The following MYLK4 variants were observed in gnomAD, a reference collection of about 807,000 sequenced individuals.
The protein encoded by MYLK4 is caMLCK like.
A neutral mutation model predicts 48.1 loss-of-function variants in MYLK4; 46 were observed. The ratio of observed to expected loss-of-function variants is 0.96; its 90% CI spans 0.75 to 1.22. MYLK4 has a LOEUF of 1.22. MYLK4 is among the 50% of genes most tolerant of loss of function. The probability of loss-of-function intolerance (pLI) is 0.00; values close to 1 mark genes in which losing one functional copy is unlikely to be tolerated. For synonymous variants in MYLK4, 170 were observed against 180.8 expected, an observed-to-expected ratio of 0.94 and a Z score of 0.48; for missense variants, 451 against 486.1, an observed-to-expected ratio of 0.93 and a Z score of 0.68.
chr6:2,762,934 AAG>A, the MYLK4 span, among the ~76,000 whole-genome samples: 2 of 152,220 alleles, frequency 1.3e-5, no homozygotes, highest in Admixed American at 6.5e-5. Flanking sequence ...ACCACTCATT[AAG>A]ACAATTCAGA....
At chr6:2,670,150 T>G (rs957662638) in intron 12 of MYLK4, among the ~76,000 whole-genome samples, 10 of 152,064 alleles carry the variant, frequency 6.6e-5, no homozygotes, top group Admixed American at 1.3e-4. Flanking sequence ...CAGATCACCT[T>G]AGGTCAGGAG....
At chr6:2,758,249 C>T in the MYLK4 span, among the ~76,000 whole-genome samples, 4,515 of 152,030 alleles carry the variant, frequency 0.03, 134 homozygotes, top group African/African-American at 0.081. Context: ...AACAGTGTAA[C>T]ATCACTTACT....
the MYLK4 span, among the ~76,000 whole-genome samples, chr6:2,756,559 G>A: frequency 6.6e-6 from 1 of 151,992 alleles, no homozygotes; most frequent in Non-Finnish European, 1.5e-5. Context: ...GACAGAGAGA[G>A]GAAATATAAT....
At chr6:2,700,019 C>T (rs1038865458) in intron 2 of MYLK4, among the ~76,000 whole-genome samples, 8 of 152,180 alleles carry the variant, frequency 5.3e-5, no homozygotes, top group African/African-American at 1.7e-4. Flanking sequence ...GTGAGTAGTT[C>T]GATAACACAG....
In MYLK4 at chr6:2,704,989, A is replaced by G. The variant is rs185766938; in HGVS notation, c.160-12130T>C. 1.9e-3 allele frequency among the ~76,000 whole-genome samples: 288 copies of G among 152,324 alleles called. 1 individual carries two copies. The highest frequency in any genetic ancestry group is 6.6e-3 in the African/African-American group (273 of 41,572). On this transcript the variant is annotated intron_variant, in intron 2 of 12. Transcript: ENST00000274643. ...CTTAGCACAGCGAAGGAGCATCCTC[A>G]GAAACTTTATATGGTTGCAAGACAC...
At chr6:2,758,032 G>C in the MYLK4 span, among the ~76,000 whole-genome samples, 4 of 152,098 alleles carry the variant, frequency 2.6e-5, no homozygotes, top group African/African-American at 9.7e-5. Flanking sequence ...TTACCTTATG[G>C]GGTTGTTGAG....
intron 6 of MYLK4, among the ~76,000 whole-genome samples, chr6:2,683,396 TG>T (rs1561836851): frequency 7.7e-6 from 1 of 129,712 alleles, no homozygotes; most frequent in Non-Finnish European, 1.6e-5. Flanking sequence ...CCTTTTTGTG[TG>T]TGTGTGTGTG....
chr6:2,738,709 C>T (rs1348545464), intron 2 of MYLK4, among the ~76,000 whole-genome samples: 3 of 152,206 alleles, frequency 2.0e-5, no homozygotes, highest in Non-Finnish European at 4.4e-5. Context: ...AAGCAACAAT[C>T]ATTAAAACAT....
rs1760549377 is a variant in MYLK4, at chr6:2,664,125, G to A, written c.*3800C>T. 1 of 152,196 alleles carries A rather than the reference G, an allele frequency of 6.6e-6. No homozygotes were observed. Among genetic ancestry groups the A allele is most frequent in the Admixed American group, 6.5e-5 (1 of 15,274 alleles). The allele number at this position is 152,196 out of a possible 1,614,324, so 9.4% of individuals were successfully genotyped here. ...AAATCCAGCACCCACTTCCCTTTAG[G>A]ACAGACGGAAAGTTGCCTCCTGGTA... is the stretch of plus-strand genomic sequence containing the variant. On this transcript the variant is annotated 3_prime_UTR_variant, in exon 13 of 13. Coordinates refer to ENST00000274643, the MANE Select transcript of MYLK4 (RefSeq NM_001012418.5).
intron 7 of MYLK4, among the ~76,000 whole-genome samples, chr6:2,682,461 G>A (rs948975988): frequency 1.3e-5 from 2 of 152,124 alleles, no homozygotes; most frequent in African/African-American, 4.8e-5. Flanking sequence ...CATTGGCAGT[G>A]GGGTGCCCAC....
At chr6:2,768,667 C>CTCCATGTATG in the MYLK4 span, 1 of 1,565,682 alleles carries the variant, frequency 6.4e-7, no homozygotes, top group South Asian at 1.2e-5. Context: ...GCTTTTCAAA[C>CTCCATGTATG]TCCATGTATG....
At chr6:2,739,222 G>C (rs1175615070) in intron 2 of MYLK4, among the ~76,000 whole-genome samples, 1 of 152,188 alleles carries the variant, frequency 6.6e-6, no homozygotes, top group African/African-American at 2.4e-5. Context: ...GGGAGGCCAA[G>C]GCAGGCAGAT....
chr6:2,737,601 T>G (rs1446727771), intron 2 of MYLK4, among the ~76,000 whole-genome samples: 3 of 152,156 alleles, frequency 2.0e-5, no homozygotes, highest in Non-Finnish European at 4.4e-5. Context: ...GTGCAGAATT[T>G]GGTATCTGAC....
intron 2 of MYLK4, among the ~76,000 whole-genome samples, chr6:2,726,127 T>C (rs1472062510): frequency 6.6e-6 from 1 of 152,212 alleles, no homozygotes; most frequent in Non-Finnish European, 1.5e-5. Flanking sequence ...AAACATCTCA[T>C]GGAGTTAAGG....
chr6:2,683,061 C>A lies in MYLK4; in HGVS notation c.647G>T (p.Arg216Met). ...GAGAATGTACATCTGATGCATGTGCCTTATCCCCTCACATATCTGCTTCAT... is the reference window on the plus strand; with the variant it reads ...GAGAATGTACATCTGATGCATGTGCATTATCCCCTCACATATCTGCTTCAT... Reference protein sequence around the residue: ...LFMKQICEGIRHMHQMYILHL... With the variant: ...LFMKQICEGIMHMHQMYILHL... Residue 216 changes from arginine to methionine, a missense_variant, in exon 7 of 13, where the codon AGG (arginine) becomes ATG (methionine). Coordinates refer to ENST00000274643, the MANE Select transcript of MYLK4 (RefSeq NM_001012418.5). The A allele has an allele frequency of 6.2e-7, 1 of 1,614,152 alleles. No homozygotes were observed. The highest frequency in any genetic ancestry group is 1.7e-5 in the Admixed American group (1 of 60,026).
intron 2 of MYLK4, among the ~76,000 whole-genome samples, chr6:2,711,514 A>G (rs1762672514): frequency 6.6e-6 from 1 of 152,208 alleles, no homozygotes; most frequent in African/African-American, 2.4e-5. Flanking sequence ...CTCAATAAAG[A>G]TAAAATGAAA....
the MYLK4 span, among the ~76,000 whole-genome samples, chr6:2,767,495 C>T: frequency 2.0e-5 from 3 of 152,204 alleles, no homozygotes; most frequent in East Asian, 1.9e-4. Flanking sequence ...AATGAATTGC[C>T]CTTTTTGTGC....
the MYLK4 span, among the ~76,000 whole-genome samples, chr6:2,766,888 C>T: frequency 6.6e-6 from 1 of 151,718 alleles, no homozygotes; most frequent in African/African-American, 2.4e-5. Flanking sequence ...CAAATTAATT[C>T]TGTTGTGCTT....
rs1400598506 is a variant in MYLK4, at chr6:2,672,208, C to T, written c.1120-860G>A. Among the ~76,000 whole-genome samples, 3 of 152,154 alleles carry T rather than the reference C, an allele frequency of 2.0e-5. No homozygotes were observed. The highest frequency in any genetic ancestry group is 2.0e-4 in the Admixed American group (3 of 15,276). On this transcript the variant is annotated intron_variant, in intron 11 of 12. Coordinates refer to ENST00000274643, the MANE Select transcript of MYLK4 (RefSeq NM_001012418.5). This position sits in a 1 kb window ranked among gnomAD's most constrained non-coding sequence, Gnocchi z 4.3. ...TCAAATTTGTGTCGTGTTCCTTCCTCTGGCCCCAGAACCCTGGCTAATTCT... is the reference window on the plus strand; with the variant it reads ...TCAAATTTGTGTCGTGTTCCTTCCTTTGGCCCCAGAACCCTGGCTAATTCT...
Sources: allele counts gnomAD v4.1 joint callset (sites outside exome capture counted in the v4.1 genomes callset), GRCh38; gene constraint gnomAD v4.1.1; non-coding constraint Gnocchi (gnomAD v3.1); transcripts MANE v1.5; gene names NCBI Gene and HGNC (gene_info 2026-07-23, HGNC 2026-07-21).